Variants in MYO7A observed in about 807,000 individuals in gnomAD.
MYO7A encodes unconventional myosin-VIIa.
Under a neutral mutation model 263.8 loss-of-function variants are expected in MYO7A, and 210 were observed. The ratio of observed to expected loss-of-function variants is 0.80; its 90% confidence interval spans 0.71 to 0.89. The LOEUF (loss-of-function observed/expected upper bound fraction) is 0.89. Ranked by LOEUF, MYO7A falls within the 40% of genes least tolerant of loss-of-function variation. The pLI, the probability that MYO7A is intolerant of heterozygous loss-of-function variation, is 0.00. For synonymous variants in MYO7A, 1,239 were observed against 1,197.3 expected (o/e 1.03, Z -0.72); for missense variants, 2,820 against 2,968.3 (o/e 0.95, Z 1.16).
At chr11:77,136,790 T>C (rs1555047567) in intron 2 of MYO7A, among the ~76,000 whole-genome samples, 1 of 152,162 alleles carries the variant, frequency 6.6e-6, no homozygotes, top group East Asian at 1.9e-4. Context: ...AGCTTGTGAG[T>C]GGCTGAGCTG....
intron 15 of MYO7A, among the ~76,000 whole-genome samples, chr11:77,167,236 G>A (rs1301176123): frequency 6.6e-6 from 1 of 152,160 alleles, no homozygotes; most frequent in South Asian, 2.1e-4. Context: ...AGAGGGGCAA[G>A]GCTTGCCCAG....
At chr11:77,211,475 C>T in intron 45 of MYO7A, 138 bp downstream of exon 45, 1 of 974,466 alleles carries the variant, frequency 1.0e-6, no homozygotes, top group African/African-American at 1.6e-5. Flanking sequence ...GGCCGCCCAC[C>T]CTTGTTCCTC....
At chr11:77,136,012 A>G (rs1220422975) in intron 2 of MYO7A, among the ~76,000 whole-genome samples, 3 of 152,158 alleles carry the variant, frequency 2.0e-5, no homozygotes, top group Non-Finnish European at 4.4e-5. Context: ...CACTTTTGAA[A>G]TGGGTTGTTT....
intron 44 of MYO7A, among the ~76,000 whole-genome samples, chr11:77,209,906 CTGCTG>C (rs1460725545): frequency 8.2e-4 from 125 of 152,366 alleles, no homozygotes; most frequent in African/African-American, 2.9e-3. Flanking sequence ...CTAACTGCTC[CTGCTG>C]CCTTGCCTTG....
rs376963984 is a variant in MYO7A, at chr11:77,147,792, C to T, written c.133-6C>T. The T allele has an allele frequency of 2.6e-5, 42 of 1,609,276 alleles. No homozygotes were observed. Among genetic ancestry groups the T allele is most frequent in the East Asian group, 4.5e-5 (2 of 44,798 alleles). On this transcript the variant is annotated splice_region_variant and splice_polypyrimidine_tract_variant and intron_variant, in intron 3 of 48. Transcript: ENST00000409709. Reference sequence around the variant, plus strand: ...GAGAGCACGCTGACGTTCTGGCTCCCCGCAGGAACACTGGATCTCTCCGCA... The same window carrying T: ...GAGAGCACGCTGACGTTCTGGCTCCTCGCAGGAACACTGGATCTCTCCGCA...
At chr11:77,200,229 C>T (rs1956972813) in intron 35 of MYO7A, among the ~76,000 whole-genome samples, 1 of 151,718 alleles carries the variant, frequency 6.6e-6, no homozygotes. Context: ...CATGATTGTG[C>T]CACTGCAGTC....
At chr11:77,139,014 G>GAATT (rs71473330) in intron 2 of MYO7A, among the ~76,000 whole-genome samples, 14,671 of 152,256 alleles carry the variant, frequency 0.096, 828 homozygotes, top group Middle Eastern at 0.24. Context: ...GCCCTGTGGG[G>GAATT]AATTATTAAT....
At chr11:77,154,941 C>T (rs1555060254) in intron 4 of MYO7A, among the ~76,000 whole-genome samples, 1 of 152,140 alleles carries the variant, frequency 6.6e-6, no homozygotes, top group Non-Finnish European at 1.5e-5. Flanking sequence ...TGGGGCATAG[C>T]TGCGGCTCTG....
chr11:77,138,040 G>A lies in MYO7A; in HGVS notation c.19-4669G>A, dbSNP rs1950975872. Among the ~76,000 whole-genome samples, 1 of 152,160 alleles carries A rather than the reference G, an allele frequency of 6.6e-6. No individual in the cohort carries two copies. Among genetic ancestry groups the A allele is most frequent in the African/African-American group, 2.4e-5 (1 of 41,430 alleles). On this transcript the variant is annotated intron_variant, in intron 2 of 48. Coordinates refer to ENST00000409709, the MANE Select transcript of MYO7A (RefSeq NM_000260.4). This position sits in a 1 kb window ranked among gnomAD's most constrained non-coding sequence, Gnocchi z 4.9. ...AAACTGCCGTCAGGTGCGGTGCCAG[G>A]TGCCACGTTTATCCCGGGCCTACCG...
chr11:77,171,245 T>TTGTG (rs140232157), intron 15 of MYO7A, among the ~76,000 whole-genome samples: 2 of 150,558 alleles, frequency 1.3e-5, no homozygotes, highest in South Asian at 2.1e-4. Context: ...TGTGTGTGTG[T>TTGTG]TGTGTGTGTG....
intron 14 of MYO7A, among the ~76,000 whole-genome samples, chr11:77,164,908 A>G (rs1953389879): frequency 6.6e-6 from 1 of 152,266 alleles, no homozygotes; most frequent in Admixed American, 6.5e-5. Flanking sequence ...ATGACTGGAA[A>G]GAATTCTACC....
intron 3 of MYO7A, among the ~76,000 whole-genome samples, chr11:77,145,688 C>T (rs1333558411): frequency 6.6e-6 from 1 of 152,204 alleles, no homozygotes. Flanking sequence ...GGTTCCCTAA[C>T]AGTACCCACC....
chr11:77,178,015 C>T (rs73495758), intron 19 of MYO7A, among the ~76,000 whole-genome samples: 3,098 of 152,058 alleles, frequency 0.02, 103 homozygotes, highest in African/African-American at 0.071. Flanking sequence ...CATATTCTAT[C>T]TAAGGGATAT....
At chr11:77,133,006 G>T (rs1950810803) in intron 2 of MYO7A, among the ~76,000 whole-genome samples, 1 of 152,178 alleles carries the variant, frequency 6.6e-6, no homozygotes, top group African/African-American at 2.4e-5. Flanking sequence ...GGAGGAGCAG[G>T]CATTCACCTA....
Position 77,180,525 on chromosome 11 carries a change from C to T in MYO7A, c.2694+44C>T, listed in dbSNP as rs1311964978. Reference sequence around the variant, plus strand: ...GGCACCTTAGGTGTCCACTTGCTGGCTTGTCCCCTCCCCGAGGCTGGCTTC... The same window carrying T: ...GGCACCTTAGGTGTCCACTTGCTGGTTTGTCCCCTCCCCGAGGCTGGCTTC... On this transcript the variant is annotated intron_variant, in intron 22 of 48. Coordinates refer to ENST00000409709, the MANE Select transcript of MYO7A (RefSeq NM_000260.4). 1.9e-6 allele frequency: 3 copies of T among 1,545,040 alleles called. No individual in the cohort carries two copies. The South Asian group carries it at 3.5e-5, about 18-fold the overall frequency.
In MYO7A at chr11:77,205,582, C is replaced by T; in HGVS notation, c.5601C>T (p.Ala1867=). The change falls in exon 40 of 49, where the codon GCC becomes GCT. Residue 1867 remains alanine, a synonymous_variant. Transcript: ENST00000409709. The part of the protein sequence containing the change: ...FLQSRKHCPL[A]IDCLQRLQKA... ...AGTCCCGAAAGCACTGCCCACTCGC[C>T]ATCGACTGCCTGCAACGGCTCCAGA... 1 of 1,613,544 alleles carries T rather than the reference C, an allele frequency of 6.2e-7. No individual in the cohort carries two copies. Among genetic ancestry groups the T allele is most frequent in the South Asian group, 1.1e-5 (1 of 90,942 alleles).
At chr11:77,172,120 C>T (rs1555076405) in intron 15 of MYO7A, among the ~76,000 whole-genome samples, 1 of 152,214 alleles carries the variant, frequency 6.6e-6, no homozygotes, top group East Asian at 1.9e-4. Context: ...CCTCCTCGCG[C>T]TTGCCCACAG....
At chr11:77,164,872 T>C (rs1953385878) in intron 14 of MYO7A, among the ~76,000 whole-genome samples, 1 of 152,190 alleles carries the variant, frequency 6.6e-6, no homozygotes, top group African/African-American at 2.4e-5. Context: ...GGAAATGGCT[T>C]GCCTAAGGTT....
At chr11:77,184,792 G>A (rs1555087487) in intron 27 of MYO7A, 77 bp downstream of exon 27, 1 of 1,564,878 alleles carries the variant, frequency 6.4e-7, no homozygotes, top group East Asian at 2.3e-5. Flanking sequence ...AACCTAGCAA[G>A]AGATTAAGCC....
Sources: allele counts gnomAD v4.1 joint callset (sites outside exome capture counted in the v4.1 genomes callset), GRCh38; gene constraint gnomAD v4.1.1; non-coding constraint Gnocchi (gnomAD v3.1); transcripts MANE v1.5; gene names NCBI Gene and HGNC (gene_info 2026-07-23, HGNC 2026-07-21).